Variants in RPRD2 observed in about 807,000 individuals in gnomAD.
RPRD2 encodes regulation of nuclear pre-mRNA domain-containing protein 2.
Under a neutral mutation model 104.4 loss-of-function variants are expected in RPRD2, and 12 were observed. The observed-to-expected ratio is 0.11, with a 90% CI of 0.07 to 0.19. The LOEUF is 0.19. Ranked by LOEUF, RPRD2 falls within the 10% of genes least tolerant of loss-of-function variation. The pLI is 1.00. For synonymous variants in RPRD2, 714 were observed against 684.9 expected (o/e 1.04, Z -0.66); for missense variants, 1,543 against 1,790.1 (o/e 0.86, Z 2.49).
intron 1 of RPRD2, among the ~76,000 whole-genome samples, chr1:150,401,005 TCTCTA>T (rs1200766484): frequency 1.3e-5 from 2 of 151,618 alleles, no homozygotes; most frequent in East Asian, 3.9e-4. Context: ...TGAAACTCCG[TCTCTA>T]CTAAAACTAC....
chr1:150,470,836 G>T lies in RPRD2; in HGVS notation c.1888G>T (p.Gly630Trp). The T allele has an allele frequency of 6.2e-7, 1 of 1,613,930 alleles. No homozygotes were observed. Among genetic ancestry groups the T allele is most frequent in the Non-Finnish European group, 8.5e-7 (1 of 1,179,904 alleles). Residue 630 changes from glycine (G) to tryptophan (W), a missense_variant, in exon 11 of 11, where the codon GGG becomes TGG. Coordinates refer to ENST00000369068, the MANE Select transcript of RPRD2 (RefSeq NM_015203.5). Reference protein sequence around the residue: ...TTFKLPSNSLGFTATHNTSPA... With the variant: ...TTFKLPSNSLWFTATHNTSPA... ...TTTTAAACTACCTTCCAACTCTTTG[G>T]GGTTTACAGCTACCCACAATACTAG...
At chr1:150,448,899 C>T (rs1553896064) in intron 7 of RPRD2, among the ~76,000 whole-genome samples, 1 of 151,964 alleles carries the variant, frequency 6.6e-6, no homozygotes, top group Non-Finnish European at 1.5e-5. Context: ...TATCATTGTA[C>T]TGGAGCAGTC....
At chr1:150,395,401 A>G (rs113539773) in intron 1 of RPRD2, among the ~76,000 whole-genome samples, 89 of 71,004 alleles carry the variant, frequency 1.3e-3, no homozygotes, top group Non-Finnish European at 1.9e-3. Flanking sequence ...GTGTGTGTGT[A>G]TACACATCAC....
At chr1:150,374,182 G>T (rs1041155939) in intron 1 of RPRD2, among the ~76,000 whole-genome samples, 1 of 152,072 alleles carries the variant, frequency 6.6e-6, no homozygotes, top group South Asian at 2.1e-4. Flanking sequence ...AGTGGCCAGT[G>T]GTTTAATTAA....
At chr1:150,373,374 C>T (rs952756898) in intron 1 of RPRD2, among the ~76,000 whole-genome samples, 1 of 151,860 alleles carries the variant, frequency 6.6e-6, no homozygotes, top group Non-Finnish European at 1.5e-5. Flanking sequence ...AATTAGATGG[C>T]TATTGTAATC....
At chr1:150,448,531 T>C (rs1443608313) in intron 7 of RPRD2, among the ~76,000 whole-genome samples, 1 of 152,214 alleles carries the variant, frequency 6.6e-6, no homozygotes, top group Non-Finnish European at 1.5e-5. Flanking sequence ...ATAATCATAC[T>C]TAATTACTCT....
In RPRD2 at chr1:150,364,154, C is replaced by T. The variant is rs1439748783; in HGVS notation, c.-561C>T. On this transcript the variant is annotated 5_prime_UTR_variant, in exon 1 of 11. Transcript: ENST00000369068. Reference sequence around the variant, plus strand: ...AAGTGGCGCGTGCGCGATACTGTTGCTGCCCCTTTGCTGCTATTGCGTTGC... The same window carrying T: ...AAGTGGCGCGTGCGCGATACTGTTGTTGCCCCTTTGCTGCTATTGCGTTGC... Among the ~76,000 whole-genome samples the T allele has an allele frequency of 7.9e-5, 12 of 152,224 alleles. No homozygotes were observed. The highest frequency in any genetic ancestry group is 2.7e-4 in the African/African-American group (11 of 41,452).
chr1:150,374,654 G>T (rs1325473436), intron 1 of RPRD2, among the ~76,000 whole-genome samples: 1 of 152,214 alleles, frequency 6.6e-6, no homozygotes, highest in Non-Finnish European at 1.5e-5. Flanking sequence ...TGCTTGGTGT[G>T]TGTGGGGAGA....
In RPRD2 at chr1:150,470,584, G is replaced by A. The variant is rs1229626658; in HGVS notation, c.1636G>A (p.Val546Ile). The A allele has an allele frequency of 3.1e-6, 5 of 1,613,864 alleles. No homozygotes were observed. The Admixed American group carries it at 8.3e-5, about 27-fold the overall frequency. ...LQGLSSLLQS[V>I]TGNPVPASEA... ...AGGCCTGTCATCTTTACTTCAGAGT[G>A]TTACTGGGAACCCAGTTCCAGCCAG... Residue 546 changes from valine to isoleucine, a missense_variant, in exon 11 of 11, where the codon GTT becomes ATT. Transcript: ENST00000369068.
At chr1:150,387,671 A>G (rs1410709688) in intron 1 of RPRD2, among the ~76,000 whole-genome samples, 2 of 129,216 alleles carry the variant, frequency 1.5e-5, no homozygotes, top group African/African-American at 5.9e-5. Flanking sequence ...GGCTCACTGC[A>G]ACCTCTGCCT....
intron 2 of RPRD2, among the ~76,000 whole-genome samples, chr1:150,419,898 G>A (rs1443358320): frequency 6.6e-6 from 1 of 152,208 alleles, no homozygotes; most frequent in African/African-American, 2.4e-5. Flanking sequence ...AAAGTGCTGG[G>A]ATTACAGGAG....
Position 150,476,017 on chromosome 1 carries a change from T to C in RPRD2, c.*2683T>C, listed in dbSNP as rs587641660. ...GGGGTTGTGAATACACTAGTACCAC[T>C]TAAAGTTCAGTGATACAGTTCAGAA... is the stretch of plus-strand genomic sequence containing the variant. On this transcript the variant is annotated 3_prime_UTR_variant, in exon 11 of 11. Coordinates refer to ENST00000369068, the MANE Select transcript of RPRD2 (RefSeq NM_015203.5). 1 of 152,302 alleles carries C rather than the reference T, an allele frequency of 6.6e-6. No individual in the cohort carries two copies. Among genetic ancestry groups the C allele is most frequent in the South Asian group, 2.1e-4 (1 of 4,824 alleles). 9.4% of individuals were successfully genotyped at this position (152,302 alleles called of 1,614,324 possible). A position where few individuals can be genotyped will look rare whatever the true frequency, so the allele number is the denominator to read the frequency against.
Position 150,471,644 on chromosome 1 carries a change from C to T in RPRD2, c.2696C>T (p.Ser899Phe). 2 of 1,613,824 alleles carry T rather than the reference C, an allele frequency of 1.2e-6. No homozygotes were observed. The highest frequency in any genetic ancestry group is 2.2e-5 in the East Asian group (1 of 44,870). ...CCATCTGTAAGGGCCCTCCTGGACT[C>T]TAGTGAGAACTGTGACCGTCTCTCA... is the stretch of plus-strand genomic sequence containing the variant. Reference protein sequence around the residue: ...FPPSVRALLDSSENCDRLSSS... With the variant: ...FPPSVRALLDFSENCDRLSSS... Residue 899 changes from serine (S) to phenylalanine (F), a missense_variant, in exon 11 of 11, where the codon TCT becomes TTT. This residue lies in a region of RPRD2 where 880 missense variants were observed against 885.6 expected (regional missense o/e 0.99). Coordinates refer to ENST00000369068, the MANE Select transcript of RPRD2 (RefSeq NM_015203.5). The surrounding 1 kb of genome is among the most constrained non-coding windows in gnomAD (Gnocchi z 5.3).
chr1:150,398,471 CA>C (rs1163179868), intron 1 of RPRD2, among the ~76,000 whole-genome samples: 7 of 152,044 alleles, frequency 4.6e-5, no homozygotes, highest in Non-Finnish European at 7.4e-5. Context: ...GCTGGGATTA[CA>C]GGCGTGAGCC....
At chr1:150,426,469 A>G (rs587712935) in intron 2 of RPRD2, among the ~76,000 whole-genome samples, 11 of 152,308 alleles carry the variant, frequency 7.2e-5, no homozygotes, top group Admixed American at 6.5e-4. Flanking sequence ...GGATGCTGTG[A>G]GGATTAAATA....
intron 10 of RPRD2, 61 bp from the exon 11 acceptor site, chr1:150,470,499 AT>A (rs1184534163): frequency 1.3e-6 from 2 of 1,506,906 alleles, no homozygotes; most frequent in African/African-American, 2.8e-5. Flanking sequence ...ATTAGCCTAC[AT>A]TGTTTGCATT....
chr1:150,465,031 G>C (rs1222158497), intron 10 of RPRD2, among the ~76,000 whole-genome samples: 9 of 151,956 alleles, frequency 5.9e-5, no homozygotes, highest in Admixed American at 5.2e-4. Context: ...ACCATGTCTG[G>C]CTAATTTTTG....
chr1:150,425,188 C>G (rs1665035851), intron 2 of RPRD2, among the ~76,000 whole-genome samples: 2 of 152,036 alleles, frequency 1.3e-5, no homozygotes, highest in Non-Finnish European at 2.9e-5. Context: ...ATATAAAGGG[C>G]TTAGAACAGT....
intron 1 of RPRD2, among the ~76,000 whole-genome samples, chr1:150,397,622 A>T (rs75778148): frequency 6.6e-6 from 1 of 152,310 alleles, no homozygotes; most frequent in East Asian, 1.9e-4. Context: ...TAAAACATAC[A>T]TAGCAAAATT....
Sources: gnomAD v4.1 joint callset for allele counts (sites outside exome capture counted in the v4.1 genomes callset) on GRCh38, gnomAD v4.1.1 for gene constraint, gnomAD v4.1.1 regional missense constraint, Gnocchi (gnomAD v3.1) non-coding constraint, MANE v1.5 for transcripts, NCBI Gene and HGNC (gene_info 2026-07-23, HGNC 2026-07-21) for gene names.